Variants in ME1 observed in about 807,000 individuals in gnomAD.
The protein encoded by ME1 is NADP-dependent malic enzyme.
Under a neutral mutation model 66.4 loss-of-function variants are expected in ME1, and 74 were observed. The ratio of observed to expected loss-of-function variants is 1.11; its 90% CI spans 0.92 to 1.35. ME1 has a LOEUF of 1.35. Among genes scored for constraint, ME1 ranks in the 40% most tolerant of loss-of-function variants. The pLI is 0.00. For synonymous variants in ME1, 251 were observed against 235.6 expected (o/e 1.07, Z -0.60); for missense variants, 750 against 694.1 (o/e 1.08, Z -0.90).
intron 6 of ME1, among the ~76,000 whole-genome samples, chr6:83,311,774 T>C (rs1347931503): frequency 6.6e-6 from 1 of 152,094 alleles, no homozygotes; most frequent in Non-Finnish European, 1.5e-5. Flanking sequence ...GTGAGAATGC[T>C]TAACAATCAG....
At chr6:83,421,940 C>G (rs1188234593) in intron 1 of ME1, among the ~76,000 whole-genome samples, 2 of 152,088 alleles carry the variant, frequency 1.3e-5, no homozygotes, top group East Asian at 3.9e-4. Flanking sequence ...TCTCTGTCTT[C>G]CAATCGTATG....
chr6:83,348,618 A>G (rs976249221), intron 4 of ME1, among the ~76,000 whole-genome samples: 3 of 152,078 alleles, frequency 2.0e-5, no homozygotes, highest in African/African-American at 4.8e-5. Flanking sequence ...AAGGGATTTC[A>G]AGTGGCATAA....
intron 5 of ME1, among the ~76,000 whole-genome samples, chr6:83,341,742 G>A (rs1439038877): frequency 6.6e-6 from 1 of 152,088 alleles, no homozygotes; most frequent in Non-Finnish European, 1.5e-5. Flanking sequence ...TGACTTCCTG[G>A]AACAAAATTG....
intron 5 of ME1, among the ~76,000 whole-genome samples, chr6:83,322,760 A>C (rs2128540621): frequency 6.6e-6 from 1 of 152,344 alleles, no homozygotes; most frequent in Non-Finnish European, 1.5e-5. Flanking sequence ...GAACTTCCCC[A>C]AACTCACAAG....
chr6:83,393,974 T>C (rs1385976736), intron 3 of ME1, among the ~76,000 whole-genome samples: 1 of 152,006 alleles, frequency 6.6e-6, no homozygotes, highest in Admixed American at 6.6e-5. Context: ...AGGAAAATAG[T>C]ATGTATTGTG....
chr6:83,313,736 CTA>C (rs1449697536), intron 6 of ME1, among the ~76,000 whole-genome samples: 2 of 151,226 alleles, frequency 1.3e-5, no homozygotes, highest in Admixed American at 1.3e-4. Context: ...GTATAAAAAA[CTA>C]TTAGAAATTA....
intron 5 of ME1, among the ~76,000 whole-genome samples, chr6:83,317,896 A>C (rs1000708230): frequency 1.3e-5 from 2 of 152,124 alleles, no homozygotes; most frequent in African/African-American, 2.4e-5. Flanking sequence ...ACCTGACTTC[A>C]AACTATACTA....
At chr6:83,292,052 C>T (rs749600466) in intron 6 of ME1, among the ~76,000 whole-genome samples, 21 of 152,020 alleles carry the variant, frequency 1.4e-4, no homozygotes, top group African/African-American at 4.3e-4. Context: ...AGCTTCCTTG[C>T]GATGGGTTAG....
chr6:83,221,980 A>C (rs1180658805), intron 12 of ME1, among the ~76,000 whole-genome samples: 5 of 152,180 alleles, frequency 3.3e-5, no homozygotes, highest in Non-Finnish European at 5.9e-5. Context: ...TATGTTGACA[A>C]CACCACATTT....
intron 9 of ME1, among the ~76,000 whole-genome samples, chr6:83,231,725 C>G (rs1790311869): frequency 6.6e-6 from 1 of 151,722 alleles, no homozygotes; most frequent in Non-Finnish European, 1.5e-5. Context: ...ATGTCTTTTC[C>G]CTTCATTCTC....
chr6:83,319,065 A>C (rs1768098144), intron 5 of ME1, among the ~76,000 whole-genome samples: 1 of 150,510 alleles, frequency 6.6e-6, no homozygotes, highest in Non-Finnish European at 1.5e-5. Context: ...AAAAAACCAA[A>C]CACCGCATGT....
intron 7 of ME1, among the ~76,000 whole-genome samples, chr6:83,242,005 G>A (rs1283880376): frequency 6.6e-6 from 1 of 152,114 alleles, no homozygotes; most frequent in African/African-American, 2.4e-5. Flanking sequence ...TAGGATTACA[G>A]GCACCCACCA....
In ME1 at chr6:83,346,159, C is replaced by A; in HGVS notation, c.600+14G>T. 6.3e-7 allele frequency: 1 copy of A among 1,588,064 alleles called. No individual in the cohort carries two copies. Among genetic ancestry groups the A allele is most frequent in the Non-Finnish European group, 8.6e-7 (1 of 1,164,116 alleles). On this transcript the variant is annotated intron_variant, in intron 5 of 13. Coordinates refer to ENST00000369705, the MANE Select transcript of ME1 (RefSeq NM_002395.6). Reference sequence around the variant, plus strand: ...TAAAGGTACATAGCTGCCTTATAGACGTAAATTATTTACCTCATTTTCGGT... The same window carrying A: ...TAAAGGTACATAGCTGCCTTATAGAAGTAAATTATTTACCTCATTTTCGGT...
chr6:83,354,435 C>A (rs1462498676), intron 3 of ME1, among the ~76,000 whole-genome samples: 1 of 152,114 alleles, frequency 6.6e-6, no homozygotes, highest in African/African-American at 2.4e-5. Flanking sequence ...CTTGGCCTCT[C>A]GTGGTTTTAA....
At chr6:83,369,336 T>C (rs573323700) in intron 3 of ME1, among the ~76,000 whole-genome samples, 2 of 152,274 alleles carry the variant, frequency 1.3e-5, no homozygotes, top group East Asian at 3.9e-4. Context: ...ATTTGTTCCA[T>C]AATTTTTAAA....
chr6:83,241,510 T>C (rs964243302), intron 7 of ME1, among the ~76,000 whole-genome samples: 3 of 152,200 alleles, frequency 2.0e-5, no homozygotes, highest in Non-Finnish European at 2.9e-5. Flanking sequence ...ACTCAAAATG[T>C]GTTAAGTTCA....
At chr6:83,329,763 T>C (rs1277468028) in intron 5 of ME1, among the ~76,000 whole-genome samples, 1 of 152,212 alleles carries the variant, frequency 6.6e-6, no homozygotes, top group Non-Finnish European at 1.5e-5. Flanking sequence ...GCAATTTGTA[T>C]AGTGGAGATT....
At position 83,398,441 on chromosome 6, in the gene ME1, T is replaced by C. The variant is rs1769782699; in HGVS notation, c.288A>G (p.Lys96=). The C allele has an allele frequency of 6.3e-7, 1 of 1,599,794 alleles. No homozygotes were observed. Among genetic ancestry groups the C allele is most frequent in the Non-Finnish European group, 8.5e-7 (1 of 1,170,942 alleles). ...FYRVLTSDIE[K]FMPIVYTPTV... is the part of the protein sequence containing the mutation. ...TGGGAGTATAAACAATAGGCATGAATTTCTCAATGTCAGATGTCAGCACTC... is the reference window on the plus strand; with the variant it reads ...TGGGAGTATAAACAATAGGCATGAACTTCTCAATGTCAGATGTCAGCACTC... The change falls in exon 3 of 14, where the codon AAA becomes AAG. Residue 96 remains lysine, a synonymous_variant. Coordinates refer to ENST00000369705, the MANE Select transcript of ME1 (RefSeq NM_002395.6).
At chr6:83,347,617 G>A (rs1583393675) in intron 4 of ME1, among the ~76,000 whole-genome samples, 1 of 151,952 alleles carries the variant, frequency 6.6e-6, no homozygotes, top group African/African-American at 2.4e-5. Context: ...ATAGCATTTG[G>A]CACACAGTAA....
Sources: allele counts gnomAD v4.1 joint callset (sites outside exome capture counted in the v4.1 genomes callset), GRCh38; gene constraint gnomAD v4.1.1; transcripts MANE v1.5; gene names NCBI Gene and HGNC (gene_info 2026-07-23, HGNC 2026-07-21).